PDE8A: variants seen among roughly 807,000 people sequenced by gnomAD.
The protein encoded by PDE8A is phosphodiesterase 8A.
PDE8A carries 59 observed loss-of-function variants against 105.0 expected under a neutral mutation model. The observed-to-expected ratio is 0.56, with a 90% confidence interval of 0.46 to 0.70. PDE8A has a LOEUF of 0.70. PDE8A is among the 30% of genes least tolerant of loss of function. The probability of loss-of-function intolerance (pLI) is 0.00; values close to 1 mark genes in which losing one functional copy is unlikely to be tolerated. For synonymous variants in PDE8A, 355 were observed against 371.9 expected (o/e 0.95, Z 0.52); for missense variants, 1,014 against 1,045.9 (o/e 0.97, Z 0.42).
chr15:85,067,047 T>C lies in PDE8A; in HGVS notation c.277T>C (p.Cys93Arg), dbSNP rs764929919. The C allele has an allele frequency of 2.5e-6, 4 of 1,611,292 alleles. No individual in the cohort carries two copies. In the South Asian group the frequency reaches 4.4e-5, roughly 18 times the overall value. Residue 93 changes from cysteine to arginine, a missense_variant, in exon 3 of 22, where the codon TGT becomes CGT. Transcript: ENST00000394553. ...AGTGTTTACCAAAGAAGATAACCAA[T>C]GTAATGGATTCTGCAGGGCATGTGA... Reference protein sequence around the residue: ...LLVFTKEDNQCNGFCRACEKA... With the variant: ...LLVFTKEDNQRNGFCRACEKA...
At chr15:85,080,741 G>T (rs761747129) in intron 5 of PDE8A, among the ~76,000 whole-genome samples, 1 of 152,110 alleles carries the variant, frequency 6.6e-6, no homozygotes, top group African/African-American at 2.4e-5. Context: ...TGTTATCATG[G>T]AGCTAACTTG....
At chr15:85,134,962 C>G (rs990682298) in intron 20 of PDE8A, among the ~76,000 whole-genome samples, 8 of 152,162 alleles carry the variant, frequency 5.3e-5, no homozygotes, top group Non-Finnish European at 7.3e-5. Flanking sequence ...TAGGGAGCTC[C>G]ACGCAAGTGC....
intron 1 of PDE8A, among the ~76,000 whole-genome samples, chr15:85,022,798 C>A (rs1291386463): frequency 1.3e-5 from 2 of 152,010 alleles, no homozygotes; most frequent in African/African-American, 2.4e-5. Flanking sequence ...GATGATCTGC[C>A]CACCTTGGCC....
At chr15:85,104,172 T>A (rs995426072) in intron 11 of PDE8A, among the ~76,000 whole-genome samples, 1 of 152,212 alleles carries the variant, frequency 6.6e-6, no homozygotes, top group Non-Finnish European at 1.5e-5. Flanking sequence ...ACTGTAAGCA[T>A]ACAGAAATGA....
rs545094526 is a variant in PDE8A, at chr15:85,047,573, T to TG, written c.187-16797_187-16796insG. Among the ~76,000 whole-genome samples, 507 of 152,350 alleles carry TG rather than the reference T, an allele frequency of 3.3e-3. 3 individuals are homozygous for TG. Among genetic ancestry groups the TG allele is most frequent in the Non-Finnish European group, 3.0e-3 (207 of 68,032 alleles). ...CTGAAACATGAATGTTTTAAAATGA[T>TG]ATTGCTAAAATTTTTACGTGGCAAA... is the stretch of plus-strand genomic sequence containing the variant. On this transcript the variant is annotated intron_variant, in intron 1 of 21. Transcript: ENST00000394553.
chr15:85,127,176 C>G (rs190488691), intron 20 of PDE8A, among the ~76,000 whole-genome samples: 7 of 152,122 alleles, frequency 4.6e-5, no homozygotes, highest in Admixed American at 3.9e-4. Context: ...CCAACCTGAG[C>G]GACAAAGTGA....
chr15:85,038,864 G>A (rs2080753298), intron 1 of PDE8A, among the ~76,000 whole-genome samples: 1 of 152,224 alleles, frequency 6.6e-6, no homozygotes, highest in Non-Finnish European at 1.5e-5. Context: ...GCTCACACCT[G>A]TAATCCCAGC....
At chr15:85,001,727 CAGT>C (rs892202297) in intron 1 of PDE8A, among the ~76,000 whole-genome samples, 11 of 152,190 alleles carry the variant, frequency 7.2e-5, no homozygotes, top group African/African-American at 2.4e-4. Flanking sequence ...TATGAGATCA[CAGT>C]GAGTGTGTGG....
chr15:85,117,865 T>C (rs764607788), intron 17 of PDE8A, 26 bp downstream of exon 17: 18 of 1,556,430 alleles, frequency 1.2e-5, no homozygotes, highest in Middle Eastern at 1.7e-4. Context: ...CCTGCCACAT[T>C]TAATGGGCAG....
At chr15:85,096,839 G>A (rs778011308) in intron 8 of PDE8A, among the ~76,000 whole-genome samples, 3 of 152,174 alleles carry the variant, frequency 2.0e-5, no homozygotes, top group Non-Finnish European at 4.4e-5. Flanking sequence ...AATTATATCA[G>A]TAAGCATCAG....
intron 17 of PDE8A, among the ~76,000 whole-genome samples, chr15:85,119,867 T>C (rs2082154202): frequency 6.6e-6 from 1 of 152,070 alleles, no homozygotes; most frequent in Non-Finnish European, 1.5e-5. Context: ...AAGCCAATTA[T>C]ATAGTTAAAG....
At chr15:85,130,611 A>G (rs1238363853) in intron 20 of PDE8A, among the ~76,000 whole-genome samples, 1 of 152,064 alleles carries the variant, frequency 6.6e-6, no homozygotes, top group Non-Finnish European at 1.5e-5. Flanking sequence ...TTCAAACTCT[A>G]TTGTCTCATT....
intron 20 of PDE8A, among the ~76,000 whole-genome samples, chr15:85,132,910 C>T (rs2082349665): frequency 6.6e-6 from 1 of 151,940 alleles, no homozygotes; most frequent in Admixed American, 6.6e-5. Context: ...AGTCTTTGTC[C>T]AGTGCCTGTA....
intron 1 of PDE8A, among the ~76,000 whole-genome samples, chr15:85,011,354 G>C (rs1180622584): frequency 6.6e-6 from 1 of 152,138 alleles, no homozygotes; most frequent in Admixed American, 6.5e-5. Flanking sequence ...TTTGGAGCCA[G>C]AGAGTACTGG....
intron 11 of PDE8A, among the ~76,000 whole-genome samples, chr15:85,102,579 A>T (rs2081881752): frequency 6.6e-6 from 1 of 151,646 alleles, no homozygotes; most frequent in South Asian, 2.1e-4. Flanking sequence ...AGTGGCTCAC[A>T]CCTGTAATCC....
At position 85,138,394 on chromosome 15, in the gene PDE8A, AAAATT is replaced by A. The variant is rs1324481003; in HGVS notation, c.*495_*499del. On this transcript the variant is annotated 3_prime_UTR_variant, in exon 22 of 22. Transcript: ENST00000394553. ...TCTTTTAAAATTGAGTAGCAGATGA[AAAATT>A]AAAATTTGAACTTGATTATTAATAT... 1 of 152,692 alleles carries A rather than the reference AAAATT, an allele frequency of 6.5e-6. No individual in the cohort carries two copies. The highest frequency in any genetic ancestry group is 2.4e-5 in the African/African-American group (1 of 41,420). The allele number at this position is 152,692 out of a possible 1,614,324, so 9.5% of individuals were successfully genotyped here. A position where few individuals can be genotyped will look rare whatever the true frequency, so the allele number is the denominator to read the frequency against.
intron 18 of PDE8A, among the ~76,000 whole-genome samples, chr15:85,121,515 G>A (rs1411790729): frequency 6.6e-6 from 1 of 152,014 alleles, no homozygotes; most frequent in African/African-American, 2.4e-5. Context: ...TTAATTATTT[G>A]CGTAATGTCT....
At chr15:85,134,789 C>T (rs577477664) in intron 20 of PDE8A, among the ~76,000 whole-genome samples, 53 of 152,170 alleles carry the variant, frequency 3.5e-4, no homozygotes, top group African/African-American at 4.8e-4. Context: ...TATGGAGAGC[C>T]GGAGTGAGTT....
intron 1 of PDE8A, among the ~76,000 whole-genome samples, chr15:84,986,184 G>A (rs749340446): frequency 1.3e-5 from 2 of 152,086 alleles, no homozygotes; most frequent in Non-Finnish European, 2.9e-5. Context: ...CCGAGAGTGC[G>A]TCCCTGCACT....
Sources: allele counts gnomAD v4.1 joint callset (sites outside exome capture counted in the v4.1 genomes callset), GRCh38; gene constraint gnomAD v4.1.1; transcripts MANE v1.5; gene names NCBI Gene and HGNC (gene_info 2026-07-23, HGNC 2026-07-21).